AQP3: variants seen among roughly 807,000 people sequenced by gnomAD.
AQP3 encodes the protein aquaporin-3.
A neutral mutation model predicts 30.3 loss-of-function variants in AQP3; 15 were observed. The ratio of observed to expected loss-of-function variants is 0.49; its 90% CI spans 0.33 to 0.76. The LOEUF (loss-of-function observed/expected upper bound fraction) is 0.76, where lower values mean the gene tolerates loss of function less well. Ranked by LOEUF, AQP3 falls within the 30% of genes least tolerant of loss-of-function variation. The pLI, the probability that AQP3 is intolerant of heterozygous loss-of-function variation, is 0.02. For missense variants in AQP3, 272 were observed against 384.8 expected, an observed-to-expected ratio of 0.71 and a Z score of 2.45; for synonymous variants, 153 against 163.2, an observed-to-expected ratio of 0.94 and a Z score of 0.47.
At chr9:33,447,057 G>T (rs374425325) in intron 1 of AQP3, among the ~76,000 whole-genome samples, 1 of 152,322 alleles carries the variant, frequency 6.6e-6, no homozygotes, top group Non-Finnish European at 1.5e-5. Flanking sequence ...ACATCTGGGG[G>T]CTGGGATTCT....
intron 1 of AQP3, among the ~76,000 whole-genome samples, chr9:33,445,596 G>T (rs1826903093): frequency 6.6e-6 from 1 of 152,114 alleles, no homozygotes; most frequent in Non-Finnish European, 1.5e-5. Flanking sequence ...CCTGCCAAAG[G>T]CTCAGACCTG....
chr9:33,447,447 C>G lies in AQP3; in HGVS notation c.84G>C (p.Glu28Asp), dbSNP rs1489743207. 1 of 1,606,812 alleles carries G rather than the reference C, an allele frequency of 6.2e-7. No individual in the cohort carries two copies. The highest frequency in any genetic ancestry group is 1.1e-5 in the South Asian group (1 of 89,594). The change falls in exon 1 of 6, where the codon GAG becomes GAC. Residue 28 changes from glutamate to aspartate, a missense_variant. Glu to Asp is a conservative substitution (Grantham distance 45). Transcript: ENST00000297991. ...RYRLLRQALAECLGTLILVMF... is the reference protein window; with the variant it reads ...RYRLLRQALADCLGTLILVMF... ...CCACCAGGATGAGGGTCCCCAGGCA[C>G]TCGGCCAGCGCCTGTCGGAGCAGCC...
Position 33,447,495 on chromosome 9 carries a change from C to T in AQP3, c.36G>A (p.Gly12=). The change falls in exon 1 of 6, where the codon GGG becomes GGA. Residue 12 remains glycine, a synonymous_variant. Transcript: ENST00000297991. ...GRQKELVSRC[G]EMLHIRYRLL... is the part of the protein sequence containing the mutation. ...GCCGGTAGCGGATGTGGAGCATCTC[C>T]CCGCAGCGGGACACCAGCTCCTTCT... The T allele has an allele frequency of 6.2e-7, 1 of 1,609,904 alleles. No homozygotes were observed. Among genetic ancestry groups the T allele is most frequent in the East Asian group, 2.2e-5 (1 of 44,764 alleles).
rs769979872 is a variant in AQP3 at position 33,443,305 on chromosome 9, G to C, written c.373+16C>G. The C allele has an allele frequency of 3.8e-6, 6 of 1,572,502 alleles. No individual in the cohort carries two copies. The East Asian group carries it at 7.1e-5, about 18-fold the overall frequency. ...GGACGGGGGTAGTGGAGGAGGACAG[G>C]GTGGGGAATGCTTACCATAATACAG... is the stretch of plus-strand genomic sequence containing the variant. On this transcript the variant is annotated intron_variant, in intron 3 of 5. Coordinates refer to ENST00000297991, the MANE Select transcript of AQP3 (RefSeq NM_004925.5). The surrounding 1 kb of genome is among the most constrained non-coding windows in gnomAD (Gnocchi z 5.0).
At chr9:33,445,789 C>A (rs1048234934) in intron 1 of AQP3, among the ~76,000 whole-genome samples, 2 of 152,168 alleles carry the variant, frequency 1.3e-5, no homozygotes, top group African/African-American at 4.8e-5. Flanking sequence ...CCTGATTCTG[C>A]CACTGCAGGC....
At position 33,442,046 on chromosome 9, in the gene AQP3, G is replaced by T. The variant is rs139300345; in HGVS notation, c.876C>A (p.Ile292=). 5.0e-6 allele frequency: 8 copies of T among 1,613,472 alleles called. No individual in the cohort carries two copies. In the African/African-American group the frequency reaches 9.3e-5, roughly 19 times the overall value. ...KLAHVKHKEQ[I] Reference sequence around the variant, plus strand: ...TGGGGAGATGGCCCCTGCCCACTCAGATCTGCTCCTTGTGCTTCACATGGG... The same window carrying T: ...TGGGGAGATGGCCCCTGCCCACTCATATCTGCTCCTTGTGCTTCACATGGG... The change falls in exon 6 of 6, where the codon ATC becomes ATA. Residue 292 remains isoleucine (I), a synonymous_variant. Coordinates refer to ENST00000297991, the MANE Select transcript of AQP3 (RefSeq NM_004925.5).
chr9:33,443,904 A>G lies in AQP3; in HGVS notation c.109-12T>C, dbSNP rs570838289. On this transcript the variant is annotated splice_polypyrimidine_tract_variant and intron_variant, in intron 1 of 5. Transcript: ENST00000297991. This position sits in a 1 kb window ranked among gnomAD's most constrained non-coding sequence, Gnocchi z 5.0. ...CCACAGCCAAACATCTGTCAGGAAG[A>G]AGAACAGGCAGGGAGGGTGAGGACC... 248 of 1,612,920 alleles carry G rather than the reference A, an allele frequency of 1.5e-4. No individual in the cohort carries two copies. The South Asian group carries it at 1.6e-3, about 11-fold the overall frequency.
rs765077871 is a variant in AQP3 at position 33,441,612 on chromosome 9, T to G, written c.*431A>C. 2.5e-5 allele frequency: 8 copies of G among 322,802 alleles called. No individual in the cohort carries two copies. Among genetic ancestry groups the G allele is most frequent in the Non-Finnish European group, 4.0e-5 (7 of 175,906 alleles). 20.0% of individuals were successfully genotyped at this position (322,802 alleles called of 1,614,324 possible). ...ACACCCTGGAACTTTCCTCTCCTTATGCACAGATGGACAGGCTGCCTTCCC... is the reference window on the plus strand; with the variant it reads ...ACACCCTGGAACTTTCCTCTCCTTAGGCACAGATGGACAGGCTGCCTTCCC... On this transcript the variant is annotated 3_prime_UTR_variant, in exon 6 of 6. Transcript: ENST00000297991.
chr9:33,442,732 AC>A (rs1229438223), intron 4 of AQP3, 119 bp downstream of exon 4: 5 of 1,146,176 alleles, frequency 4.4e-6, no homozygotes, highest in Non-Finnish European at 6.6e-6. Flanking sequence ...GATGCGGGTT[AC>A]CCCACAGATT....
In AQP3 at chr9:33,443,864, A is replaced by G. The variant is rs748149295; in HGVS notation, c.137T>C (p.Val46Ala). ...ACCGTGGGTGCCCCGGCTGAGCACA[A>G]CCTGGGCCACGGAGCCACAGCCAAA... ...VMFGCGSVAQ[V>A]VLSRGTHGGF... The change falls in exon 2 of 6, where the codon GTT (valine) becomes GCT (alanine). Residue 46 changes from valine (V) to alanine (A), a missense_variant. By Grantham distance (64) the Val-to-Ala change is moderately conservative. Transcript: ENST00000297991. The surrounding 1 kb of genome is among the most constrained non-coding windows in gnomAD (Gnocchi z 5.0). 9.9e-6 allele frequency: 16 copies of G among 1,613,824 alleles called. No individual in the cohort carries two copies. Among genetic ancestry groups the G allele is most frequent in the Non-Finnish European group, 1.2e-5 (14 of 1,179,938 alleles).
At position 33,443,398 on chromosome 9, in the gene AQP3, A is replaced by G. The variant is rs1163076998; in HGVS notation, c.296T>C (p.Ile99Thr). The change falls in exon 3 of 6, where the codon ATC becomes ACC. Residue 99 changes from isoleucine (I) to threonine (T), a missense_variant. By Grantham distance (89) the Ile-to-Thr change is moderately conservative. Around this residue, in one of 3 missense-constraint regions of AQP3, gnomAD observed 170 missense variants for 286.4 expected, o/e 0.59. Transcript: ENST00000297991. The surrounding 1 kb of genome is among the most constrained non-coding windows in gnomAD (Gnocchi z 5.0). ...TGCCAGGGTGTAGATGGGCAGCTTG[A>G]TCCAGGGCTCACGAGCCAGGAAGCA... is the stretch of plus-strand genomic sequence containing the variant. ...AMCFLAREPWIKLPIYTLAQT... is the reference protein window; with the variant it reads ...AMCFLAREPWTKLPIYTLAQT... 5 of 1,607,220 alleles carry G rather than the reference A, an allele frequency of 3.1e-6. No homozygotes were observed. The South Asian group carries it at 3.3e-5, about 11-fold the overall frequency.
At chr9:33,445,117 T>C (rs1410764384) in intron 1 of AQP3, among the ~76,000 whole-genome samples, 1 of 152,170 alleles carries the variant, frequency 6.6e-6, no homozygotes, top group African/African-American at 2.4e-5. Flanking sequence ...GGCAACATAG[T>C]GAGACTTTGT....
Position 33,441,741 on chromosome 9 carries a change from A to G in AQP3, c.*302T>C. On this transcript the variant is annotated 3_prime_UTR_variant, in exon 6 of 6. Coordinates refer to ENST00000297991, the MANE Select transcript of AQP3 (RefSeq NM_004925.5). ...CACACACACCCCTGCACACACATGC[A>G]CACACATGCACACACATGCACACAC... 1.9e-6 allele frequency: 1 copy of G among 533,052 alleles called. No individual in the cohort carries two copies. Among genetic ancestry groups the G allele is most frequent in the Non-Finnish European group, 3.3e-6 (1 of 304,974 alleles). The allele number at this position is 533,052 out of a possible 1,614,324, so 33.0% of individuals were successfully genotyped here. A position where few individuals can be genotyped will look rare whatever the true frequency, so the allele number is the denominator to read the frequency against.
At chr9:33,447,358 G>GA (rs1228156661) in intron 1 of AQP3, 65 bp downstream of exon 1, 3 of 1,385,622 alleles carry the variant, frequency 2.2e-6, no homozygotes, top group Non-Finnish European at 1.0e-6. Context: ...CCCCTTCGGG[G>GA]AAGTGAGAGT....
Position 33,442,952 on chromosome 9 carries a change from G to T in AQP3, c.392C>A (p.Ala131Asp). The change falls in exon 4 of 6, where the codon GCC becomes GAC. Residue 131 changes from alanine (A) to aspartate (D), a missense_variant. Ala to Asp is a moderately radical substitution (Grantham distance 126, BLOSUM62 -2). Coordinates refer to ENST00000297991, the MANE Select transcript of AQP3 (RefSeq NM_004925.5). ...GCCCGAAACAAAAAGCTGGTTGTCG[G>T]CGAAGTGCCAGATTGCATCTGGTGA... ...GLYYDAIWHF[A>D]DNQLFVSGPN... is the part of the protein sequence containing the mutation. The T allele has an allele frequency of 6.2e-7, 1 of 1,614,196 alleles. No individual in the cohort carries two copies. The highest frequency in any genetic ancestry group is 8.5e-7 in the Non-Finnish European group (1 of 1,180,012).
chr9:33,447,543 G>T lies in AQP3; in HGVS notation c.-13C>A, dbSNP rs757134260. The T allele has an allele frequency of 6.3e-7, 1 of 1,584,586 alleles. No individual in the cohort carries two copies. Among genetic ancestry groups the T allele is most frequent in the East Asian group, 2.3e-5 (1 of 43,610 alleles). ...TCTGTCGACCCATGGCGGGGCAGGC[G>T]GCGGCGCTGTCGGGCGGGCAGGGGT... On this transcript the variant is annotated 5_prime_UTR_variant, in exon 1 of 6. Transcript: ENST00000297991.
chr9:33,442,345 G>T lies in AQP3; in HGVS notation c.666C>A (p.Pro222=). The change falls in exon 5 of 6, where the codon CCC becomes CCA. Residue 222 remains proline, a synonymous_variant. Transcript: ENST00000297991. ...YAVNPARDFG[P]RLFTALAGWG... ...AGCCCGCAAGGGCTGTAAAAAGGCG[G>T]GGGCCAAAGTCCCGGGCAGGGTTGA... is the stretch of plus-strand genomic sequence containing the variant. 1 of 1,612,970 alleles carries T rather than the reference G, an allele frequency of 6.2e-7. No homozygotes were observed. Among genetic ancestry groups the T allele is most frequent in the Non-Finnish European group, 8.5e-7 (1 of 1,179,620 alleles).
rs768660066 is a variant in AQP3, at chr9:33,443,479, A to G, written c.236-21T>C. On this transcript the variant is annotated intron_variant, in intron 2 of 5. Transcript: ENST00000297991. This position sits in a 1 kb window ranked among gnomAD's most constrained non-coding sequence, Gnocchi z 5.0. ...GGCCCCTGGGCAGAGGGGACAAGGG[A>G]CCTATTAGCTGCAGCCTGCCACAGT... The G allele has an allele frequency of 1.1e-5, 17 of 1,609,448 alleles. No homozygotes were observed. Among genetic ancestry groups the G allele is most frequent in the Non-Finnish European group, 1.4e-5 (16 of 1,178,246 alleles).
intron 4 of AQP3, 62 bp downstream of exon 4, chr9:33,442,790 A>T: frequency 1.3e-6 from 2 of 1,505,330 alleles, no homozygotes; most frequent in East Asian, 2.3e-5. Flanking sequence ...CAACCAGCCC[A>T]TGAGCTACCA....
Sources: gnomAD v4.1 joint callset for allele counts (sites outside exome capture counted in the v4.1 genomes callset) on GRCh38, gnomAD v4.1.1 for gene constraint, gnomAD v4.1.1 regional missense constraint, Gnocchi (gnomAD v3.1) non-coding constraint, MANE v1.5 for transcripts, NCBI Gene and HGNC (gene_info 2026-07-23, HGNC 2026-07-21) for gene names.